CNOT6: variants seen among roughly 807,000 people sequenced by gnomAD.
The protein encoded by CNOT6 is CCR4-NOT transcription complex subunit 6, also known as carbon catabolite repression 4 protein.
A neutral mutation model predicts 61.2 loss-of-function variants in CNOT6; 12 were observed. The observed-to-expected ratio is 0.20, with a 90% CI of 0.13 to 0.32. The LOEUF (loss-of-function observed/expected upper bound fraction) is 0.32, where lower values mean the gene tolerates loss of function less well. CNOT6 is among the 10% of genes least tolerant of loss of function. CNOT6 has a pLI of 1.00. For missense variants in CNOT6, 405 were observed against 663.9 expected (o/e 0.61, Z 4.28); for synonymous variants, 225 against 240.6 (o/e 0.94, Z 0.60).
intron 2 of CNOT6, among the ~76,000 whole-genome samples, chr5:180,545,412 T>C (rs1232328144): frequency 6.6e-6 from 1 of 152,258 alleles, no homozygotes; most frequent in African/African-American, 2.4e-5. Flanking sequence ...AATGATGTTA[T>C]ACAGTATGTA....
At chr5:180,552,633 G>C (rs559491103) in intron 3 of CNOT6, among the ~76,000 whole-genome samples, 1 of 143,998 alleles carries the variant, frequency 6.9e-6, no homozygotes, top group Non-Finnish European at 1.5e-5. Flanking sequence ...GCAATGGAGC[G>C]AGACTCCGTC....
At chr5:180,506,406 A>G (rs1056923300) in intron 1 of CNOT6, among the ~76,000 whole-genome samples, 6 of 152,220 alleles carry the variant, frequency 3.9e-5, no homozygotes, top group African/African-American at 1.2e-4. Flanking sequence ...TGTAAAGATT[A>G]TAATAGTGTC....
At chr5:180,517,547 CT>C (rs1188311271) in intron 1 of CNOT6, among the ~76,000 whole-genome samples, 18 of 148,810 alleles carry the variant, frequency 1.2e-4, no homozygotes, top group African/African-American at 3.9e-4. Flanking sequence ...CTTTTTTTTT[CT>C]TTTTTCTTCT....
At chr5:180,513,030 G>T (rs1037391280) in intron 1 of CNOT6, among the ~76,000 whole-genome samples, 1 of 152,050 alleles carries the variant, frequency 6.6e-6, no homozygotes, top group Non-Finnish European at 1.5e-5. Flanking sequence ...CGAGTAGCTG[G>T]GACTACAGGT....
At position 180,494,458 on chromosome 5, in the gene CNOT6, C is replaced by CGGT. The variant is rs1178982160; in HGVS notation, c.-305_-303dup. 4 of 155,244 alleles carry CGGT rather than the reference C, an allele frequency of 2.6e-5. No individual in the cohort carries two copies. The highest frequency in any genetic ancestry group is 5.6e-5 in the Non-Finnish European group (4 of 70,842). The allele number at this position is 155,244 out of a possible 1,614,324, so 9.6% of individuals were successfully genotyped here. ...GGCGCGGAGGAGGAGGCGGCGGCGT[C>CGGT]GGTGGCGGCGGCGACGGCGGCGCGG... On this transcript the variant is annotated 5_prime_UTR_variant, in exon 1 of 12. Coordinates refer to ENST00000261951, the MANE Select transcript of CNOT6 (RefSeq NM_001370472.1).
intron 1 of CNOT6, among the ~76,000 whole-genome samples, chr5:180,520,139 A>G (rs534106345): frequency 2.0e-5 from 3 of 152,110 alleles, no homozygotes; most frequent in Non-Finnish European, 2.9e-5. Flanking sequence ...CAGCCTATCC[A>G]TATACTATTA....
chr5:180,562,064 T>C (rs1760215035), intron 4 of CNOT6, among the ~76,000 whole-genome samples: 1 of 152,216 alleles, frequency 6.6e-6, no homozygotes, highest in African/African-American at 2.4e-5. Context: ...TGGGATTCTT[T>C]TGGGTCTGTA....
chr5:180,527,776 C>A (rs947891650), intron 1 of CNOT6, among the ~76,000 whole-genome samples: 1 of 152,156 alleles, frequency 6.6e-6, no homozygotes, highest in Non-Finnish European at 1.5e-5. Context: ...TGGTACTCGT[C>A]CATGGCCTGT....
rs185565439 is a variant in CNOT6 at position 180,556,895 on chromosome 5, G to A, written c.385+3424G>A. 3.7e-3 allele frequency among the ~76,000 whole-genome samples: 559 copies of A among 152,112 alleles called. 3 individuals carry two copies. The highest frequency in any genetic ancestry group is 0.012 in the African/African-American group (503 of 41,476). On this transcript the variant is annotated intron_variant, in intron 4 of 11. Transcript: ENST00000261951. ...AGCGTGAACCTGGGAGGTGGAGGTT[G>A]CAGTGAGCCGAGATCGTGCCACTGC...
intron 1 of CNOT6, among the ~76,000 whole-genome samples, chr5:180,499,440 G>A (rs1403009090): frequency 1.3e-5 from 2 of 152,180 alleles, no homozygotes; most frequent in East Asian, 3.8e-4. Flanking sequence ...TGAAATTTTG[G>A]GGGGAAGGCA....
At position 180,574,269 on chromosome 5, in the gene CNOT6, G is replaced by A; in HGVS notation, c.*69G>A. 1 of 1,290,588 alleles carries A rather than the reference G, an allele frequency of 7.7e-7. No individual in the cohort carries two copies. The highest frequency in any genetic ancestry group is 1.1e-6 in the Non-Finnish European group (1 of 889,772). 79.9% of individuals were successfully genotyped at this position (1,290,588 alleles called of 1,614,324 possible). A position where few individuals can be genotyped will look rare whatever the true frequency, so the allele number is the denominator to read the frequency against. The stretch of plus-strand genomic sequence containing the variant: ...TGAAAATCTGAACATAGGGGAGTGA[G>A]GTATGGCCACTGAGGATTTTTGCTT... On this transcript the variant is annotated 3_prime_UTR_variant, in exon 12 of 12. Transcript: ENST00000261951.
At chr5:180,538,686 G>GTATATATATGTATATATATA (rs1163540445) in intron 2 of CNOT6, among the ~76,000 whole-genome samples, 1 of 85,082 alleles carries the variant, frequency 1.2e-5, no homozygotes, top group Admixed American at 1.5e-4. Flanking sequence ...TGAGAAAAAG[G>GTATATATATGTATATATATA]TATATATATA....
intron 1 of CNOT6, among the ~76,000 whole-genome samples, chr5:180,498,777 A>G (rs1756733755): frequency 6.6e-6 from 1 of 152,158 alleles, no homozygotes; most frequent in Admixed American, 6.5e-5. Flanking sequence ...TATTTGAGAT[A>G]GTATGGAGTT....
intron 6 of CNOT6, 65 bp from the exon 7 acceptor site, chr5:180,565,755 A>G (rs1760416877): frequency 2.1e-6 from 3 of 1,405,936 alleles, no homozygotes; most frequent in Admixed American, 4.2e-5. Context: ...GAAAACCATT[A>G]CTGAAATTAA....
rs192506085 is a variant in CNOT6 at position 180,531,767 on chromosome 5, G to A, written c.112+2379G>A. On this transcript the variant is annotated intron_variant, in intron 2 of 11. Coordinates refer to ENST00000261951, the MANE Select transcript of CNOT6 (RefSeq NM_001370472.1). ...GGAGGCCGAGGCAGGCAGATCACTC[G>A]GGGTCAGGAGCTGGAGACCAGCCCG... Among the ~76,000 whole-genome samples the A allele has an allele frequency of 5.3e-5, 8 of 152,326 alleles. No homozygotes were observed. The East Asian group carries it at 1.5e-3, about 29-fold the overall frequency.
At chr5:180,519,386 CTT>C (rs1475486499) in intron 1 of CNOT6, among the ~76,000 whole-genome samples, 1 of 152,164 alleles carries the variant, frequency 6.6e-6, no homozygotes, top group Non-Finnish European at 1.5e-5. Context: ...ATACTGATAA[CTT>C]TTGCATTAAT....
At chr5:180,521,464 T>C (rs1330490706) in intron 1 of CNOT6, among the ~76,000 whole-genome samples, 2 of 152,232 alleles carry the variant, frequency 1.3e-5, no homozygotes, top group Non-Finnish European at 2.9e-5. Context: ...ATTTTTGCAA[T>C]ATACATATCT....
intron 2 of CNOT6, among the ~76,000 whole-genome samples, chr5:180,536,797 A>C (rs1162266032): frequency 1.3e-5 from 2 of 151,976 alleles, no homozygotes; most frequent in African/African-American, 2.4e-5. Context: ...TTATATTTTA[A>C]TTTTTTGTAG....
intron 8 of CNOT6, 135 bp downstream of exon 8, chr5:180,567,377 A>C (rs1760517631): frequency 1.3e-6 from 1 of 772,112 alleles, no homozygotes; most frequent in Non-Finnish European, 2.0e-6. Flanking sequence ...TGTTTGACCT[A>C]GGGGGTTTTT....
Sources: gnomAD v4.1 joint callset for allele counts (sites outside exome capture counted in the v4.1 genomes callset) on GRCh38, gnomAD v4.1.1 for gene constraint, MANE v1.5 for transcripts, NCBI Gene and HGNC (gene_info 2026-07-23, HGNC 2026-07-21) for gene names.